The following ATXN1 variants were observed in gnomAD, a reference collection of about 807,000 sequenced individuals.
ATXN1 encodes the protein ataxin 1, also known as ataxin-1.
Under a neutral mutation model 56.4 loss-of-function variants are expected in ATXN1, and 8 were observed. That is an observed-to-expected ratio of 0.14 (90% CI 0.08 to 0.26). The LOEUF is 0.26. Ranked by LOEUF, ATXN1 falls within the 10% of genes least tolerant of loss-of-function variation. The pLI is 1.00. For synonymous variants in ATXN1, 514 were observed against 494.6 expected, an observed-to-expected ratio of 1.04 and a Z score of -0.52; for missense variants, 987 against 1,106.5, an observed-to-expected ratio of 0.89 and a Z score of 1.53.
chr6:16,436,656 A>G (rs1015717364), intron 6 of ATXN1, among the ~76,000 whole-genome samples: 18 of 151,170 alleles, frequency 1.2e-4, no homozygotes, highest in Non-Finnish European at 5.9e-5. Context: ...GGTGTGTTGG[A>G]GGAACACCAT....
intron 6 of ATXN1, among the ~76,000 whole-genome samples, chr6:16,462,722 T>C (rs1760024055): frequency 6.6e-6 from 1 of 152,144 alleles, no homozygotes; most frequent in Non-Finnish European, 1.5e-5. Flanking sequence ...CCAAGCCCCG[T>C]TATGCATCCA....
At chr6:16,553,228 G>C (rs544334861) in intron 4 of ATXN1, among the ~76,000 whole-genome samples, 2 of 152,130 alleles carry the variant, frequency 1.3e-5, no homozygotes, top group South Asian at 4.1e-4. Flanking sequence ...TGACTCAAAG[G>C]CTATCTCGAA....
At chr6:16,382,835 AAAAT>A (rs1381162206) in intron 6 of ATXN1, among the ~76,000 whole-genome samples, 2 of 151,784 alleles carry the variant, frequency 1.3e-5, no homozygotes, top group Non-Finnish European at 2.9e-5. Flanking sequence ...AGCTAAAAAA[AAAAT>A]AAATAAACTT....
At position 16,721,221 on chromosome 6, in the gene ATXN1, G is replaced by A. The variant is rs542717359; in HGVS notation, c.-615+32012C>T. Among the ~76,000 whole-genome samples, 23 of 152,268 alleles carry A rather than the reference G, an allele frequency of 1.5e-4. 1 individual carries two copies. The highest frequency in any genetic ancestry group is 6.2e-4 in the South Asian group (3 of 4,828). On this transcript the variant is annotated intron_variant, in intron 2 of 7. Coordinates refer to ENST00000436367, the MANE Select transcript of ATXN1 (RefSeq NM_001128164.2). ...AATTTCTAATACAGATAAAAATCAG[G>A]AGCTACTACGAACAAGGTTACGGCA...
At chr6:16,416,585 G>A (rs1758913447) in intron 6 of ATXN1, among the ~76,000 whole-genome samples, 1 of 152,236 alleles carries the variant, frequency 6.6e-6, no homozygotes, top group Non-Finnish European at 1.5e-5. Context: ...AATATCAACT[G>A]TAATTATTAT....
intron 1 of ATXN1, among the ~76,000 whole-genome samples, chr6:16,755,693 T>C (rs1760867140): frequency 6.6e-6 from 1 of 151,764 alleles, no homozygotes; most frequent in Admixed American, 6.6e-5. Flanking sequence ...ATTCAAAACT[T>C]GTCATGTTAA....
intron 2 of ATXN1, among the ~76,000 whole-genome samples, chr6:16,744,860 C>A (rs1760471616): frequency 6.6e-6 from 1 of 152,136 alleles, no homozygotes; most frequent in South Asian, 2.1e-4. Context: ...AAAACTTGAA[C>A]CGTTGTACAA....
At chr6:16,347,409 G>C (rs1761440091) in intron 6 of ATXN1, among the ~76,000 whole-genome samples, 1 of 152,224 alleles carries the variant, frequency 6.6e-6, no homozygotes, top group Non-Finnish European at 1.5e-5. Context: ...TCAGCACCCT[G>C]TGTCTAGCTC....
intron 2 of ATXN1, among the ~76,000 whole-genome samples, chr6:16,673,433 C>G (rs1561802803): frequency 6.6e-6 from 1 of 152,082 alleles, no homozygotes; most frequent in Non-Finnish European, 1.5e-5. Flanking sequence ...CCTTCCTTAT[C>G]CTGCTCTTCC....
intron 6 of ATXN1, among the ~76,000 whole-genome samples, chr6:16,364,981 G>C (rs1411746622): frequency 5.3e-5 from 8 of 152,156 alleles, no homozygotes; most frequent in East Asian, 1.9e-4. Flanking sequence ...TGATAAGCTA[G>C]AGGTATACCC....
intron 7 of ATXN1, among the ~76,000 whole-genome samples, chr6:16,325,847 AG>A (rs1293807410): frequency 1.3e-5 from 2 of 152,110 alleles, no homozygotes; most frequent in Non-Finnish European, 2.9e-5. Flanking sequence ...AGCTCACTAC[AG>A]CCTCGAACTC....
chr6:16,315,184 C>T (rs1446620176), intron 7 of ATXN1, among the ~76,000 whole-genome samples: 3 of 152,138 alleles, frequency 2.0e-5, no homozygotes, highest in Middle Eastern at 3.2e-3. Context: ...CCAGACCTCC[C>T]GATGTGCCCC....
chr6:16,530,020 A>G (rs1761472218), intron 4 of ATXN1, among the ~76,000 whole-genome samples: 1 of 152,250 alleles, frequency 6.6e-6, no homozygotes, highest in Admixed American at 6.5e-5. Flanking sequence ...CATTTCAAAG[A>G]GCAACATCTG....
At chr6:16,568,244 G>A (rs764492014) in intron 4 of ATXN1, among the ~76,000 whole-genome samples, 4 of 152,132 alleles carry the variant, frequency 2.6e-5, no homozygotes, top group East Asian at 3.8e-4. Flanking sequence ...TATTTGAAAC[G>A]CTGCCAAAGG....
chr6:16,654,935 A>T (rs1350621534), intron 3 of ATXN1, among the ~76,000 whole-genome samples: 1 of 152,164 alleles, frequency 6.6e-6, no homozygotes, highest in Non-Finnish European at 1.5e-5. Flanking sequence ...AGAAAAAAAA[A>T]TGCTGTTATG....
intron 5 of ATXN1, among the ~76,000 whole-genome samples, chr6:16,497,484 A>C (rs1489887156): frequency 2.0e-5 from 3 of 152,206 alleles, no homozygotes; most frequent in Non-Finnish European, 1.5e-5. Flanking sequence ...ATCCAAAGTT[A>C]AAAGCACTTT....
chr6:16,438,853 T>C (rs1414932524), intron 6 of ATXN1, among the ~76,000 whole-genome samples: 4 of 152,168 alleles, frequency 2.6e-5, no homozygotes, highest in African/African-American at 9.7e-5. Context: ...CGTCAGCCAG[T>C]ACACGGGAGG....
rs570646397 is a variant in ATXN1 at position 16,649,739 on chromosome 6, A to C, written c.-489+8037T>G. ...TTTTTAATATCTTACCTGAAGGATT[A>C]TTTCTGTATTTCTAAATGGGCTCTT... On this transcript the variant is annotated intron_variant, in intron 3 of 7. Transcript: ENST00000436367. 2.0e-5 allele frequency among the ~76,000 whole-genome samples: 3 copies of C among 152,292 alleles called. No homozygotes were observed. The East Asian group carries it at 5.8e-4, about 29-fold the overall frequency.
intron 4 of ATXN1, 103 bp downstream of exon 4, chr6:16,585,677 T>C (rs1317286996): frequency 6.6e-6 from 1 of 152,204 alleles, no homozygotes; most frequent in East Asian, 1.9e-4. Context: ...ATGTTGTGTG[T>C]GTATGTTTGT....
Sources: gnomAD v4.1 joint callset for allele counts (sites outside exome capture counted in the v4.1 genomes callset) on GRCh38, gnomAD v4.1.1 for gene constraint, MANE v1.5 for transcripts, NCBI Gene and HGNC (gene_info 2026-07-23, HGNC 2026-07-21) for gene names.